Variants in STAB2 observed in about 807,000 individuals in gnomAD.
STAB2 encodes stabilin 2.
Under a neutral mutation model 338.1 loss-of-function variants are expected in STAB2, and 288 were observed. That is an observed-to-expected ratio of 0.85 (90% CI 0.77 to 0.94). The LOEUF is 0.94. STAB2 is among the 40% of genes least tolerant of loss of function. The pLI is 0.00. For synonymous variants in STAB2, 1,202 were observed against 1,193.3 expected, an observed-to-expected ratio of 1.01 and a Z score of -0.15; for missense variants, 3,141 against 3,210.1, an observed-to-expected ratio of 0.98 and a Z score of 0.52.
At chr12:103,676,322 G>T (rs1302000438) in intron 24 of STAB2, among the ~76,000 whole-genome samples, 1 of 151,712 alleles carries the variant, frequency 6.6e-6, no homozygotes, top group Non-Finnish European at 1.5e-5. Flanking sequence ...CTCCCAAAGT[G>T]CTAGGACTAC....
At chr12:103,603,120 G>A (rs1288835856) in intron 3 of STAB2, among the ~76,000 whole-genome samples, 12 of 152,086 alleles carry the variant, frequency 7.9e-5, no homozygotes, top group Non-Finnish European at 1.6e-4. Context: ...GCCCAGGCTG[G>A]AGTGCAGTGG....
Position 103,713,773 on chromosome 12 carries a change from G to A in STAB2, c.4537+5G>A. 6.2e-7 allele frequency: 1 copy of A among 1,613,538 alleles called. No homozygotes were observed. The highest frequency in any genetic ancestry group is 1.3e-5 in the African/African-American group (1 of 75,032). On this transcript the variant is annotated splice_donor_5th_base_variant and intron_variant, in intron 42 of 68. Transcript: ENST00000388887. Reference sequence around the variant, plus strand: ...GTGATGGCATTGTGTGCCTGGGTAGGTGTCCTTCCCTCTTCCATCGGCGAA... The same window carrying A: ...GTGATGGCATTGTGTGCCTGGGTAGATGTCCTTCCCTCTTCCATCGGCGAA...
At chr12:103,736,601 A>T (rs1024649955) in intron 52 of STAB2, among the ~76,000 whole-genome samples, 1 of 151,940 alleles carries the variant, frequency 6.6e-6, no homozygotes, top group Non-Finnish European at 1.5e-5. Context: ...CTGTGTGTTG[A>T]TATAGCTTTC....
chr12:103,693,967 A>G (rs1878179518), intron 31 of STAB2, among the ~76,000 whole-genome samples: 1 of 151,830 alleles, frequency 6.6e-6, no homozygotes, highest in South Asian at 2.1e-4. Context: ...CCTGGCCAAC[A>G]TGGTGAAGCC....
intron 3 of STAB2, among the ~76,000 whole-genome samples, chr12:103,600,851 A>ATGGCAGAGC (rs1412048078): frequency 8.0e-4 from 120 of 150,906 alleles, no homozygotes; most frequent in African/African-American, 2.8e-3. Context: ...AGAACTGTGG[A>ATGGCAGAGC]ACTCCTGACC....
intron 9 of STAB2, among the ~76,000 whole-genome samples, chr12:103,648,108 T>C (rs1873464387): frequency 6.6e-6 from 1 of 152,220 alleles, no homozygotes; most frequent in South Asian, 2.1e-4. Flanking sequence ...AATTGCACTA[T>C]GATCGCTGCT....
intron 56 of STAB2, 69 bp from the exon 57 acceptor site, chr12:103,745,099 CAAACA>C (rs1882914219): frequency 1.5e-6 from 2 of 1,326,516 alleles, no homozygotes; most frequent in Non-Finnish European, 2.1e-6. Flanking sequence ...AAATGCATAG[CAAACA>C]AGGGGTCAGG....
chr12:103,705,512 C>T (rs1240368120), intron 36 of STAB2, 120 bp from the exon 37 acceptor site: 10 of 760,338 alleles, frequency 1.3e-5, no homozygotes, highest in African/African-American at 1.8e-5. Context: ...AAGCCACCAC[C>T]TTCTCTTCCC....
At chr12:103,650,032 A>G (rs1035480878) in intron 10 of STAB2, among the ~76,000 whole-genome samples, 1 of 152,022 alleles carries the variant, frequency 6.6e-6, no homozygotes, top group African/African-American at 2.4e-5. Context: ...GAAAGTGAAA[A>G]TGTAGGATTC....
intron 2 of STAB2, among the ~76,000 whole-genome samples, 181 bp from the exon 3 acceptor site, chr12:103,594,205 ATCCAGTTCT>A (rs1956841291): frequency 6.6e-6 from 1 of 152,132 alleles, no homozygotes; most frequent in Non-Finnish European, 1.5e-5. Context: ...TGATTTTTTC[ATCCAGTTCT>A]TACAATTAAA....
In STAB2 at chr12:103,749,140, G is replaced by C. The variant is rs1309857354; in HGVS notation, c.6422G>C (p.Cys2141Ser). The change falls in exon 59 of 69, where the codon TGT becomes TCT. Residue 2141 changes from cysteine to serine, a missense_variant. Cys to Ser is a moderately radical substitution (Grantham distance 112). Coordinates refer to ENST00000388887, the MANE Select transcript of STAB2 (RefSeq NM_017564.10). ...GGAGGGTGTCACGAGCACGCCACCT[G>C]TAAGATGACAGGCCCGGTGAGTCGC... Reference protein sequence around the residue: ...LNGGCHEHATCKMTGPGKHKC... With the variant: ...LNGGCHEHATSKMTGPGKHKC... The C allele has an allele frequency of 6.2e-7, 1 of 1,604,108 alleles. No homozygotes were observed.
At chr12:103,711,555 G>GGGATT in intron 40 of STAB2, 39 bp downstream of exon 40, 13 of 1,611,026 alleles carry the variant, frequency 8.1e-6, no homozygotes, top group African/African-American at 1.3e-5. Context: ...CAGTGTAAAG[G>GGGATT]GGATTTTTTC....
intron 30 of STAB2, among the ~76,000 whole-genome samples, chr12:103,692,551 C>A (rs1218354092): frequency 6.6e-6 from 1 of 152,128 alleles, no homozygotes; most frequent in Non-Finnish European, 1.5e-5. Flanking sequence ...AGTATTATTT[C>A]TTTCTTTCTC....
intron 54 of STAB2, among the ~76,000 whole-genome samples, chr12:103,740,340 C>T (rs984024157): frequency 2.6e-5 from 4 of 152,140 alleles, no homozygotes; most frequent in African/African-American, 7.2e-5. Flanking sequence ...CCACTCCCTC[C>T]CCAGGCAACC....
chr12:103,628,296 A>G (rs998636299), intron 5 of STAB2, among the ~76,000 whole-genome samples: 6 of 152,238 alleles, frequency 3.9e-5, no homozygotes, highest in African/African-American at 1.4e-4. Context: ...GATGTGGTAA[A>G]TTAGATAATG....
chr12:103,662,908 A>C lies in STAB2; in HGVS notation c.1932A>C (p.Arg644=), dbSNP rs1246488611. 1.9e-6 allele frequency: 3 copies of C among 1,614,052 alleles called. No individual in the cohort carries two copies. Among genetic ancestry groups the C allele is most frequent in the Admixed American group, 3.3e-5 (2 of 59,996 alleles). The change falls in exon 18 of 69, where the codon CGA becomes CGC. Residue 644 remains arginine, a synonymous_variant. Coordinates refer to ENST00000388887, the MANE Select transcript of STAB2 (RefSeq NM_017564.10). Reference sequence around the variant, plus strand: ...TTGAGATCACTGCCAAAAATGGCCGAATTTACACACTGACAGGAGTTCTCA... The same window carrying C: ...TTGAGATCACTGCCAAAAATGGCCGCATTTACACACTGACAGGAGTTCTCA... ...EEIEITAKNG[R]IYTLTGVLIP...
intron 63 of STAB2, among the ~76,000 whole-genome samples, chr12:103,756,396 A>G (rs761576197): frequency 2.0e-5 from 3 of 152,248 alleles, no homozygotes; most frequent in African/African-American, 4.8e-5. Flanking sequence ...TGTAAGTTCC[A>G]TAAGGGAAAG....
rs553584563 is a variant in STAB2 at position 103,634,403 on chromosome 12, A to G, written c.584-2708A>G. On this transcript the variant is annotated intron_variant, in intron 6 of 68. Coordinates refer to ENST00000388887, the MANE Select transcript of STAB2 (RefSeq NM_017564.10). Reference sequence around the variant, plus strand: ...TCAGTGATTGCTATGATAAAAGGCAAGTACCGTGTGAAAATCAATGTGACT... The same window carrying G: ...TCAGTGATTGCTATGATAAAAGGCAGGTACCGTGTGAAAATCAATGTGACT... Among the ~76,000 whole-genome samples the G allele has an allele frequency of 4.6e-5, 7 of 152,310 alleles. No individual in the cohort carries two copies. In the South Asian group the frequency reaches 1.4e-3, roughly 32 times the overall value.
Position 103,766,315 on chromosome 12 carries a change from T to C in STAB2, c.7635T>C (p.Asn2545=). The C allele has an allele frequency of 6.2e-7, 1 of 1,613,856 alleles. No individual in the cohort carries two copies. Residue 2545 remains asparagine, a synonymous_variant, in exon 69 of 69, where the codon AAT becomes AAC. Coordinates refer to ENST00000388887, the MANE Select transcript of STAB2 (RefSeq NM_017564.10). ...CTGAAGAACGGCAGCTTGAGGGCAA[T>C]GACCCCTTGAGGACACTGTGAGGGC... ...TDSEERQLEG[N]DPLRTL
Sources: gnomAD v4.1 joint callset for allele counts (sites outside exome capture counted in the v4.1 genomes callset) on GRCh38, gnomAD v4.1.1 for gene constraint, MANE v1.5 for transcripts, NCBI Gene and HGNC (gene_info 2026-07-23, HGNC 2026-07-21) for gene names.